CCDC171: variants seen among roughly 807,000 people sequenced by gnomAD.
CCDC171 encodes coiled-coil domain-containing protein 171.
A neutral mutation model predicts 168.2 loss-of-function variants in CCDC171; 177 were observed. The observed-to-expected ratio is 1.05, with a 90% confidence interval of 0.93 to 1.19. The LOEUF (loss-of-function observed/expected upper bound fraction) is 1.19. CCDC171 is among the 50% of genes most tolerant of loss of function. The pLI is 0.00. For missense variants in CCDC171, 1,991 were observed against 1,539.0 expected (o/e 1.29, Z -4.91); for synonymous variants, 687 against 540.8 (o/e 1.27, Z -3.75).
chr9:16,033,791 C>T (rs1833410939), intron 6 of CCDC171, among the ~76,000 whole-genome samples: 1 of 151,816 alleles, frequency 6.6e-6, no homozygotes, highest in Non-Finnish European at 1.5e-5. Context: ...CATAGTCTTC[C>T]TGAGAAAGAG....
At chr9:15,780,287 T>C (rs2057595537) in intron 20 of CCDC171, among the ~76,000 whole-genome samples, 1 of 152,118 alleles carries the variant, frequency 6.6e-6, no homozygotes, top group South Asian at 2.1e-4. Context: ...AGTTTTTTGC[T>C]CAGAGAAGGA....
intron 25 of CCDC171, among the ~76,000 whole-genome samples, chr9:15,926,260 G>C (rs1825879216): frequency 6.6e-6 from 1 of 151,592 alleles, no homozygotes; most frequent in African/African-American, 2.4e-5. Context: ...TATGTTTAAT[G>C]AATGAAATTA....
At chr9:15,611,296 C>G (rs1357342246) in intron 6 of CCDC171, among the ~76,000 whole-genome samples, 4 of 152,168 alleles carry the variant, frequency 2.6e-5, no homozygotes, top group African/African-American at 9.7e-5. Context: ...ATTACCCATT[C>G]TCACATATTT....
At chr9:15,685,948 A>G (rs984608492) in intron 10 of CCDC171, among the ~76,000 whole-genome samples, 2 of 152,162 alleles carry the variant, frequency 1.3e-5, no homozygotes, top group African/African-American at 4.8e-5. Flanking sequence ...TTTAAGCCTG[A>G]TGAGTGAGTA....
At chr9:15,674,257 T>C (rs1259421712) in intron 9 of CCDC171, among the ~76,000 whole-genome samples, 1 of 152,186 alleles carries the variant, frequency 6.6e-6, no homozygotes, top group Non-Finnish European at 1.5e-5. Flanking sequence ...TCTTTTCTTG[T>C]TTATTAATAT....
At chr9:16,045,483 A>G (rs977402313) in intron 1 of CCDC171, among the ~76,000 whole-genome samples, 1 of 152,138 alleles carries the variant, frequency 6.6e-6, no homozygotes, top group Non-Finnish European at 1.5e-5. Flanking sequence ...TTCACGGCTT[A>G]TTGTCATGGG....
chr9:15,893,960 T>C (rs1490347413), intron 24 of CCDC171, among the ~76,000 whole-genome samples: 3 of 152,306 alleles, frequency 2.0e-5, no homozygotes, highest in Admixed American at 6.5e-5. Flanking sequence ...ATCATTGTTA[T>C]AATGATACAT....
chr9:15,707,493 T>C (rs929773118), intron 11 of CCDC171, among the ~76,000 whole-genome samples: 4 of 152,256 alleles, frequency 2.6e-5, no homozygotes, highest in Non-Finnish European at 5.9e-5. Context: ...CATTTAACTT[T>C]ATGCTAATCA....
chr9:15,767,261 C>T (rs1306599644), intron 18 of CCDC171, among the ~76,000 whole-genome samples: 1 of 152,140 alleles, frequency 6.6e-6, no homozygotes, highest in Non-Finnish European at 1.5e-5. Flanking sequence ...TGTATTCCTT[C>T]CGGAGGCTGT....
intron 23 of CCDC171, among the ~76,000 whole-genome samples, chr9:15,865,182 T>C (rs772250727): frequency 7.2e-5 from 11 of 152,084 alleles, no homozygotes; most frequent in Non-Finnish European, 1.2e-4. Flanking sequence ...TGCTGACATC[T>C]TTTTGGATTT....
intron 9 of CCDC171, among the ~76,000 whole-genome samples, chr9:15,671,128 A>G (rs940921704): frequency 2.0e-5 from 3 of 152,332 alleles, no homozygotes; most frequent in Admixed American, 6.5e-5. Context: ...TGCAGAATCA[A>G]CAGATGAGAA....
chr9:15,958,600 G>A (rs892041894), intron 25 of CCDC171, among the ~76,000 whole-genome samples: 1 of 149,910 alleles, frequency 6.7e-6, no homozygotes, highest in Non-Finnish European at 1.5e-5. Flanking sequence ...TGGGGTAAAG[G>A]TGATACCTGA....
Position 16,061,195 on chromosome 9 carries a change from T to A in CCDC171, n.639T>A, listed in dbSNP as rs765682864. On this transcript the variant is annotated non_coding_transcript_exon_variant, in exon 2 of 2. Coordinates refer to the CCDC171 transcript ENST00000478913. ...TTTGCCTCAGTGGCTTTCTATAAAA[T>A]GGAATTCTATAGGGATGATGAAAGC... is the stretch of plus-strand genomic sequence containing the variant. 11 of 152,182 alleles carry A rather than the reference T, an allele frequency of 7.2e-5. No individual in the cohort carries two copies. The East Asian group carries it at 2.1e-3, about 29-fold the overall frequency. The allele number at this position is 152,182 out of a possible 1,614,324, so 9.4% of individuals were successfully genotyped here.
intron 3 of CCDC171, among the ~76,000 whole-genome samples, chr9:16,001,997 C>T (rs935776050): frequency 6.6e-6 from 1 of 151,644 alleles, no homozygotes. Context: ...CCACCATTGC[C>T]CATCTGATTT....
At chr9:15,929,181 T>G (rs953108535) in intron 25 of CCDC171, among the ~76,000 whole-genome samples, 6 of 151,722 alleles carry the variant, frequency 4.0e-5, no homozygotes, top group African/African-American at 1.4e-4. Flanking sequence ...AATTAAAATT[T>G]CAAAGTGATC....
chr9:16,002,809 T>A (rs955084750), intron 3 of CCDC171, among the ~76,000 whole-genome samples: 1 of 152,198 alleles, frequency 6.6e-6, no homozygotes, highest in Admixed American at 6.5e-5. Context: ...TTATACCATG[T>A]TTGTACTGTA....
In CCDC171 at chr9:15,936,168, C is replaced by A. The variant is rs187351190; in HGVS notation, c.3753+15746C>A. Among the ~76,000 whole-genome samples the A allele has an allele frequency of 1.0e-3, 152 of 152,076 alleles. 1 individual carries two copies. Among genetic ancestry groups the A allele is most frequent in the African/African-American group, 3.5e-3 (147 of 41,508 alleles). On this transcript the variant is annotated intron_variant, in intron 25 of 25. Transcript: ENST00000380701. ...TGCAGCACTGTTATATAAACAGACC[C>A]AGATGAAGGTCCCTGCTAGAAGCCA...
At chr9:15,903,029 C>A (rs924635898) in intron 24 of CCDC171, among the ~76,000 whole-genome samples, 2 of 152,198 alleles carry the variant, frequency 1.3e-5, no homozygotes, top group Non-Finnish European at 2.9e-5. Context: ...AACAAAGCAG[C>A]CGGGAAGCTC....
rs988226602 is a variant in CCDC171 at position 15,876,777 on chromosome 9, T to C, written c.3600+2114T>C. On this transcript the variant is annotated intron_variant, in intron 24 of 25. Transcript: ENST00000380701. ...AGTATAAAAATATGTGCATTTATAC[T>C]AAGTGTGGCTACTGACTTGGGAATT... 3.9e-5 allele frequency among the ~76,000 whole-genome samples: 6 copies of C among 152,140 alleles called. No homozygotes were observed. The East Asian group carries it at 7.7e-4, about 20-fold the overall frequency.
Sources: gnomAD v4.1 joint callset for allele counts (sites outside exome capture counted in the v4.1 genomes callset) on GRCh38, gnomAD v4.1.1 for gene constraint, MANE v1.5 for transcripts, NCBI Gene and HGNC (gene_info 2026-07-23, HGNC 2026-07-21) for gene names.